TMEM108: variants seen among roughly 807,000 people sequenced by gnomAD.
TMEM108 encodes transmembrane protein 108, also known as cancer/testis antigen 124.
TMEM108 carries 12 observed loss-of-function variants against 35.1 expected under a neutral mutation model. The ratio of observed to expected loss-of-function variants is 0.34; its 90% CI spans 0.22 to 0.55. TMEM108 has a LOEUF of 0.55. TMEM108 is among the 20% of genes least tolerant of loss of function. The pLI is 0.89. For missense variants in TMEM108, 680 were observed against 753.3 expected (o/e 0.90, Z 1.14); for synonymous variants, 287 against 308.6 (o/e 0.93, Z 0.73).
rs775227079 is a variant in TMEM108 at position 133,379,782 on chromosome 3, C to T, written c.71C>T (p.Ala24Val). Reference protein sequence around the residue: ...SFLLILALTEALAFAIQEPSP... With the variant: ...SFLLILALTEVLAFAIQEPSP... ...CTGCTGATCTTGGCACTGACCGAAG[C>T]GCTGGCATTTGCCATCCAGGAACCA... Residue 24 changes from alanine to valine, a missense_variant, in exon 4 of 6, where the codon GCG becomes GTG. Around this residue, in one of 3 missense-constraint regions of TMEM108, gnomAD observed 49 missense variants for 70.6 expected, o/e 0.69. Coordinates refer to ENST00000321871, the MANE Select transcript of TMEM108 (RefSeq NM_023943.4). 8.7e-6 allele frequency: 14 copies of T among 1,613,690 alleles called. No homozygotes were observed. The highest frequency in any genetic ancestry group is 5.3e-5 in the African/African-American group (4 of 74,864).
chr3:133,315,015 C>T (rs2071179243), intron 3 of TMEM108, among the ~76,000 whole-genome samples: 1 of 152,126 alleles, frequency 6.6e-6, no homozygotes, highest in South Asian at 2.1e-4. Context: ...GTTACTTAAT[C>T]TTGTTTTGTC....
intron 3 of TMEM108, among the ~76,000 whole-genome samples, chr3:133,301,450 C>T (rs1947224028): frequency 2.6e-5 from 4 of 152,128 alleles, no homozygotes; most frequent in Non-Finnish European, 1.5e-5. Context: ...CTATCATGCA[C>T]AGTGGGCATT....
intron 3 of TMEM108, among the ~76,000 whole-genome samples, chr3:133,241,162 A>G (rs1423531259): frequency 2.0e-5 from 3 of 152,360 alleles, no homozygotes; most frequent in East Asian, 1.9e-4. Context: ...CAGCAGTTTC[A>G]TATTGTCTTT....
chr3:133,200,833 A>G (rs1316830371), intron 2 of TMEM108, among the ~76,000 whole-genome samples: 1 of 152,220 alleles, frequency 6.6e-6, no homozygotes, highest in African/African-American at 2.4e-5. Flanking sequence ...TTAAATGTAA[A>G]TGAATTAAAA....
chr3:133,252,952 A>G (rs754156829), intron 3 of TMEM108, among the ~76,000 whole-genome samples: 1 of 152,204 alleles, frequency 6.6e-6, no homozygotes, highest in African/African-American at 2.4e-5. Context: ...TTGATATCCA[A>G]GGGGAATCCT....
At chr3:133,313,785 C>G (rs140087893) in intron 3 of TMEM108, among the ~76,000 whole-genome samples, 72 of 152,022 alleles carry the variant, frequency 4.7e-4, no homozygotes, top group Non-Finnish European at 7.6e-4. Flanking sequence ...TAGACCAGCA[C>G]GTTTAGATTT....
At chr3:133,336,347 T>C (rs528625199) in intron 3 of TMEM108, among the ~76,000 whole-genome samples, 53 of 152,106 alleles carry the variant, frequency 3.5e-4, no homozygotes, top group Admixed American at 3.1e-3. Flanking sequence ...CACTTGAGAA[T>C]AGGAGAGGGA....
intron 3 of TMEM108, among the ~76,000 whole-genome samples, chr3:133,330,541 A>G (rs1192424480): frequency 6.6e-6 from 1 of 152,212 alleles, no homozygotes; most frequent in African/African-American, 2.4e-5. Flanking sequence ...TAGTAAAACC[A>G]TCTGGTTTTA....
chr3:133,074,585 G>C (rs899922062), intron 2 of TMEM108, among the ~76,000 whole-genome samples: 1 of 152,124 alleles, frequency 6.6e-6, no homozygotes, highest in African/African-American at 2.4e-5. Context: ...CTCCTCCCAG[G>C]TTCAAGCGAT....
At chr3:133,274,880 C>T (rs746786762) in intron 3 of TMEM108, among the ~76,000 whole-genome samples, 9 of 152,268 alleles carry the variant, frequency 5.9e-5, no homozygotes, top group Non-Finnish European at 1.3e-4. Flanking sequence ...TGAGCCATTG[C>T]CAGCAGAGCT....
At chr3:133,064,201 C>G (rs1321488857) in intron 2 of TMEM108, among the ~76,000 whole-genome samples, 2 of 152,122 alleles carry the variant, frequency 1.3e-5, no homozygotes, top group African/African-American at 4.8e-5. Context: ...TTCTCCTGAG[C>G]TAAAAAGCAT....
intron 3 of TMEM108, among the ~76,000 whole-genome samples, chr3:133,300,037 G>A (rs536547880): frequency 2.4e-4 from 36 of 152,266 alleles, no homozygotes; most frequent in African/African-American, 8.7e-4. Flanking sequence ...TCAATGAAGT[G>A]TGTTAATGGC....
At chr3:133,109,654 C>CTTACA (rs1468558706) in intron 2 of TMEM108, among the ~76,000 whole-genome samples, 1 of 152,058 alleles carries the variant, frequency 6.6e-6, no homozygotes, top group East Asian at 1.9e-4. Flanking sequence ...GATGAGTGTT[C>CTTACA]CTTTGTAACT....
At chr3:133,215,321 G>A (rs1945890665) in intron 2 of TMEM108, among the ~76,000 whole-genome samples, 1 of 148,714 alleles carries the variant, frequency 6.7e-6, no homozygotes, top group Admixed American at 6.8e-5. Context: ...TTGCTTGCAA[G>A]CCATATTTAA....
intron 3 of TMEM108, among the ~76,000 whole-genome samples, chr3:133,352,916 G>T (rs891931394): frequency 1.3e-5 from 2 of 152,078 alleles, no homozygotes; most frequent in Admixed American, 1.3e-4. Context: ...AGAGGTCAGG[G>T]GTTCCGGCTG....
chr3:133,384,779 C>T (rs1469108419), intron 4 of TMEM108, among the ~76,000 whole-genome samples: 1 of 152,210 alleles, frequency 6.6e-6, no homozygotes, highest in Non-Finnish European at 1.5e-5. Context: ...TGTCAGGGTC[C>T]TTTGCCTGTT....
At chr3:133,073,406 C>T (rs945637431) in intron 2 of TMEM108, among the ~76,000 whole-genome samples, 7 of 147,428 alleles carry the variant, frequency 4.7e-5, no homozygotes, top group African/African-American at 1.7e-4. Flanking sequence ...GCTTATTTCA[C>T]TTAACATAGT....
At chr3:133,092,599 ACTCTGTATTGTAACTCAGATTTTTTTC>A (rs1481286371) in intron 2 of TMEM108, among the ~76,000 whole-genome samples, 2 of 152,132 alleles carry the variant, frequency 1.3e-5, no homozygotes, top group Non-Finnish European at 2.9e-5. Flanking sequence ...CGTAGGTTGT[ACTCTGTATTGTAACTCAGATTTTTTTC>A]ACTTAAGATT....
chr3:133,055,421 T>G (rs1337539602), intron 2 of TMEM108, among the ~76,000 whole-genome samples: 2 of 152,236 alleles, frequency 1.3e-5, no homozygotes, highest in Non-Finnish European at 2.9e-5. Context: ...AATAAAGACA[T>G]CTGCTCTCTC....
Sources: gnomAD v4.1 joint callset for allele counts (sites outside exome capture counted in the v4.1 genomes callset) on GRCh38, gnomAD v4.1.1 for gene constraint, gnomAD v4.1.1 regional missense constraint, MANE v1.5 for transcripts, NCBI Gene and HGNC (gene_info 2026-07-23, HGNC 2026-07-21) for gene names.